The following ARHGAP24 variants were observed in gnomAD, a reference collection of about 807,000 sequenced individuals.
The protein encoded by ARHGAP24 is rho GTPase-activating protein 24.
In ARHGAP24, 50 loss-of-function variants were observed where a neutral mutation model predicts 76.4. That is an observed-to-expected ratio of 0.65 (90% CI 0.52 to 0.83). ARHGAP24 has a LOEUF of 0.83. Ranked by LOEUF, ARHGAP24 falls within the 40% of genes least tolerant of loss-of-function variation. ARHGAP24 has a pLI of 0.00. For synonymous variants in ARHGAP24, 345 were observed against 323.3 expected, an observed-to-expected ratio of 1.07 and a Z score of -0.72; for missense variants, 930 against 914.2, an observed-to-expected ratio of 1.02 and a Z score of -0.22.
chr4:85,535,063 C>A (rs1725413918), intron 1 of ARHGAP24, among the ~76,000 whole-genome samples: 1 of 152,052 alleles, frequency 6.6e-6, no homozygotes, highest in African/African-American at 2.4e-5. Context: ...CATAGTCCAA[C>A]TCAAACTCTA....
At chr4:85,548,258 A>G (rs1479883499) in intron 1 of ARHGAP24, among the ~76,000 whole-genome samples, 1 of 152,184 alleles carries the variant, frequency 6.6e-6, no homozygotes, top group Non-Finnish European at 1.5e-5. Flanking sequence ...TCATCCACAC[A>G]GCTTTGCTTC....
At chr4:85,944,656 T>A (rs1737149435) in intron 5 of ARHGAP24, among the ~76,000 whole-genome samples, 1 of 152,122 alleles carries the variant, frequency 6.6e-6, no homozygotes, top group Non-Finnish European at 1.5e-5. Context: ...GCCTCTTTTT[T>A]AAAAAATGTC....
chr4:85,857,023 A>G (rs1731616584), intron 3 of ARHGAP24, among the ~76,000 whole-genome samples: 1 of 152,116 alleles, frequency 6.6e-6, no homozygotes, highest in Non-Finnish European at 1.5e-5. Flanking sequence ...GGATACATAG[A>G]TTGTTTCCAT....
chr4:85,561,420 C>T (rs111705340), intron 1 of ARHGAP24, among the ~76,000 whole-genome samples: 270 of 152,250 alleles, frequency 1.8e-3, no homozygotes, highest in Non-Finnish European at 3.0e-3. Context: ...ATTCCCTTGT[C>T]GGCACCACAT....
intron 5 of ARHGAP24, chr4:85,942,583 C>A: frequency 3.7e-6 from 1 of 272,252 alleles, no homozygotes; most frequent in Non-Finnish European, 7.0e-6. Context: ...TCTTCTCTTG[C>A]TTAATGTTTT....
At chr4:85,984,625 G>A (rs1249946895) in intron 8 of ARHGAP24, among the ~76,000 whole-genome samples, 1 of 152,108 alleles carries the variant, frequency 6.6e-6, no homozygotes, top group Non-Finnish European at 1.5e-5. Flanking sequence ...GAAAGATCAG[G>A]GTGCATCCAA....
intron 3 of ARHGAP24, among the ~76,000 whole-genome samples, chr4:85,755,016 C>T (rs1207005341): frequency 1.3e-5 from 2 of 152,126 alleles, no homozygotes; most frequent in African/African-American, 4.8e-5. Flanking sequence ...GTATAGATTG[C>T]CTCTATAAGT....
intron 3 of ARHGAP24, among the ~76,000 whole-genome samples, chr4:85,750,883 A>G (rs1370320653): frequency 6.6e-6 from 1 of 152,182 alleles, no homozygotes; most frequent in African/African-American, 2.4e-5. Context: ...CAGAAGTCTC[A>G]GAGATCTCTC....
At chr4:85,930,671 C>G in intron 4 of ARHGAP24, 1 of 1,147,224 alleles carries the variant, frequency 8.7e-7, no homozygotes, top group Non-Finnish European at 1.1e-6. Flanking sequence ...TCTGCAGAAA[C>G]TTAAAAAAAA....
chr4:85,766,043 G>T (rs745917304), intron 3 of ARHGAP24, among the ~76,000 whole-genome samples: 9 of 152,102 alleles, frequency 5.9e-5, no homozygotes, highest in Non-Finnish European at 1.2e-4. Flanking sequence ...TCATTAGTCA[G>T]ATTTCTTGTA....
chr4:85,497,944 G>T (rs1560509355), intron 1 of ARHGAP24, among the ~76,000 whole-genome samples: 1 of 152,202 alleles, frequency 6.6e-6, no homozygotes, highest in Non-Finnish European at 1.5e-5. Flanking sequence ...GTCTCCCTCG[G>T]TGTTCAATTT....
intron 3 of ARHGAP24, among the ~76,000 whole-genome samples, chr4:85,838,818 C>T (rs529481290): frequency 1.3e-5 from 2 of 152,202 alleles, no homozygotes; most frequent in East Asian, 1.9e-4. Context: ...CCCAAGCTAA[C>T]TTTGCCAAAC....
chr4:85,561,060 A>G (rs996782547), intron 1 of ARHGAP24, among the ~76,000 whole-genome samples: 2 of 152,206 alleles, frequency 1.3e-5, no homozygotes, highest in Non-Finnish European at 2.9e-5. Context: ...ACTATATTCT[A>G]GTTCATCTGA....
intron 9 of ARHGAP24, among the ~76,000 whole-genome samples, chr4:85,996,990 C>G (rs531343897): frequency 6.6e-6 from 1 of 152,064 alleles, no homozygotes; most frequent in Non-Finnish European, 1.5e-5. Context: ...CTGAGATCTA[C>G]GGTATATTTC....
intron 2 of ARHGAP24, among the ~76,000 whole-genome samples, chr4:85,593,591 C>T (rs62317179): frequency 0.27 from 40,307 of 151,986 alleles, 7,468 homozygotes; most frequent in East Asian, 0.84. Context: ...AGTTTGAAGT[C>T]TTATACTTAA....
rs186506380 is a variant in ARHGAP24 at position 85,790,805 on chromosome 4, C to T, written c.268+68833C>T. 1.9e-4 allele frequency among the ~76,000 whole-genome samples: 29 copies of T among 152,292 alleles called. No homozygotes were observed. The East Asian group carries it at 3.7e-3, about 19-fold the overall frequency. On this transcript the variant is annotated intron_variant, in intron 3 of 9. Coordinates refer to ENST00000395184, the MANE Select transcript of ARHGAP24 (RefSeq NM_001025616.3). ...AGATTTTCCATGGCTACAGTATATG[C>T]TCTTGTCTCTACTGAGAAATATGCT...
In ARHGAP24 at chr4:85,817,345, A is replaced by G. The variant is rs115169357; in HGVS notation, c.268+95373A>G. Among the ~76,000 whole-genome samples the G allele has an allele frequency of 9.5e-3, 1,445 of 152,308 alleles. 27 individuals are homozygous for G. Among genetic ancestry groups the G allele is most frequent in the African/African-American group, 0.033 (1,355 of 41,564 alleles). ...TCCAAAAAAATTATTGCCCAGACCA[A>G]TGTCAAAATGCTTTTTTCACATGTT... On this transcript the variant is annotated intron_variant, in intron 3 of 9. Coordinates refer to ENST00000395184, the MANE Select transcript of ARHGAP24 (RefSeq NM_001025616.3).
chr4:85,750,821 G>T (rs562291218), intron 3 of ARHGAP24, among the ~76,000 whole-genome samples: 9 of 152,076 alleles, frequency 5.9e-5, no homozygotes, highest in African/African-American at 2.2e-4. Flanking sequence ...TCTATCTTTA[G>T]TCATTGTTTC....
At chr4:85,786,678 ATTGT>A (rs1727859918) in intron 3 of ARHGAP24, among the ~76,000 whole-genome samples, 1 of 152,154 alleles carries the variant, frequency 6.6e-6, no homozygotes, top group Non-Finnish European at 1.5e-5. Context: ...ATTGGGGGAA[ATTGT>A]TTGGGACAAC....
Sources: gnomAD v4.1 joint callset for allele counts (sites outside exome capture counted in the v4.1 genomes callset) on GRCh38, gnomAD v4.1.1 for gene constraint, MANE v1.5 for transcripts, NCBI Gene and HGNC (gene_info 2026-07-23, HGNC 2026-07-21) for gene names.